RIPOR2: variants seen among roughly 807,000 people sequenced by gnomAD.
The protein encoded by RIPOR2 is RHO family interacting cell polarization regulator 2, also known as rho family-interacting cell polarization regulator 2.
A neutral mutation model predicts 114.5 loss-of-function variants in RIPOR2; 39 were observed. That is an observed-to-expected ratio of 0.34 (90% CI 0.26 to 0.44). RIPOR2 has a LOEUF of 0.44. Among genes scored for constraint, RIPOR2 ranks in the 20% least tolerant of loss-of-function variants. The pLI is 1.00. For synonymous variants in RIPOR2, 445 were observed against 484.4 expected (o/e 0.92, Z 1.07); for missense variants, 1,007 against 1,255.1 (o/e 0.80, Z 2.99).
chr6:24,867,837 A>G (rs375009411), intron 6 of RIPOR2, among the ~76,000 whole-genome samples: 2 of 152,248 alleles, frequency 1.3e-5, no homozygotes, highest in African/African-American at 4.8e-5. Context: ...GAATCATTCA[A>G]TTACATATAA....
chr6:24,926,794 C>A (rs2114126873), intron 1 of RIPOR2, among the ~76,000 whole-genome samples: 1 of 152,166 alleles, frequency 6.6e-6, no homozygotes, highest in East Asian at 1.9e-4. Flanking sequence ...CATTATCTCC[C>A]TTTAAACGCA....
chr6:24,878,802 C>T (rs1422230702), intron 1 of RIPOR2, among the ~76,000 whole-genome samples: 1 of 152,086 alleles, frequency 6.6e-6, no homozygotes, highest in Non-Finnish European at 1.5e-5. Context: ...GAAAAGATAC[C>T]AAGTTCATTG....
At chr6:24,918,876 C>T (rs1401607396) in intron 1 of RIPOR2, among the ~76,000 whole-genome samples, 1 of 152,196 alleles carries the variant, frequency 6.6e-6, no homozygotes, top group Non-Finnish European at 1.5e-5. Flanking sequence ...AGGCCTGTGC[C>T]TCCTCTGTAA....
chr6:24,955,802 C>T lies in RIPOR2; in HGVS notation c.77-79985G>A, dbSNP rs1325045427. ...GGTAGATCACTTGAGGTCAGGAGTTCGAAACCAGCCTGGCCAACATGATGA... is the reference window on the plus strand; with the variant it reads ...GGTAGATCACTTGAGGTCAGGAGTTTGAAACCAGCCTGGCCAACATGATGA... On this transcript the variant is annotated intron_variant, in intron 1 of 13. Transcript: ENST00000510784. Among the ~76,000 whole-genome samples, 3 of 150,212 alleles carry T rather than the reference C, an allele frequency of 2.0e-5. No individual in the cohort carries two copies. The East Asian group carries it at 5.8e-4, about 29-fold the overall frequency.
At chr6:24,840,162 A>C in intron 13 of RIPOR2, 1 of 868,332 alleles carries the variant, frequency 1.2e-6, no homozygotes, top group Non-Finnish European at 1.4e-6. Context: ...TGTTGACCAT[A>C]CCGGTCTTGA....
rs34480037 is a variant in RIPOR2, at chr6:24,983,756, C to CAAAAAAA, written c.76+58088_76+58094dup. ...TGGGCAACAGAACGAGACTGTGTCT[C>CAAAAAAA]AAAAAAAAAAAAAAAAAAAAAAAAA... On this transcript the variant is annotated intron_variant, in intron 1 of 13. Transcript: ENST00000510784. 1.5e-3 allele frequency among the ~76,000 whole-genome samples: 69 copies of CAAAAAAA among 47,188 alleles called. 3 individuals carry two copies. The highest frequency in any genetic ancestry group is 3.9e-3 in the African/African-American group (39 of 10,006). 31.0% of individuals were successfully genotyped at this position (47,188 alleles called of 152,430 possible).
At chr6:24,979,833 T>C (rs905569260) in intron 1 of RIPOR2, among the ~76,000 whole-genome samples, 1 of 152,206 alleles carries the variant, frequency 6.6e-6, no homozygotes, top group African/African-American at 2.4e-5. Context: ...ACTTACTGCC[T>C]TTGTAAGTAA....
chr6:24,832,106 G>A, intron 16 of RIPOR2, 150 bp downstream of exon 16: 2 of 742,860 alleles, frequency 2.7e-6, no homozygotes, highest in Non-Finnish European at 4.1e-6. Context: ...TGACATTAAT[G>A]AGCCCAATTT....
chr6:24,846,385 C>A (rs1762288866), intron 12 of RIPOR2, among the ~76,000 whole-genome samples: 1 of 145,720 alleles, frequency 6.9e-6, no homozygotes, highest in African/African-American at 2.5e-5. Flanking sequence ...TAACTCACTG[C>A]AGCCTCAACC....
chr6:25,028,259 G>C (rs541118598), intron 1 of RIPOR2, among the ~76,000 whole-genome samples: 1 of 152,310 alleles, frequency 6.6e-6, no homozygotes, highest in Non-Finnish European at 1.5e-5. Context: ...TCCCAGAGCT[G>C]TGTGCATTTC....
intron 19 of RIPOR2, among the ~76,000 whole-genome samples, chr6:24,820,363 T>C (rs1759573415): frequency 6.6e-6 from 1 of 152,186 alleles, no homozygotes; most frequent in Non-Finnish European, 1.5e-5. Context: ...ACAATTCCAT[T>C]TAAAAAAATT....
chr6:24,958,785 C>T (rs1391859529), intron 1 of RIPOR2, among the ~76,000 whole-genome samples: 2 of 151,998 alleles, frequency 1.3e-5, no homozygotes, highest in African/African-American at 4.8e-5. Context: ...AATTTATTGT[C>T]TCACAGTTCT....
In RIPOR2 at chr6:24,977,015, A is replaced by G. The variant is rs1157501842; in HGVS notation, c.76+64836T>C. 4 of 1,489,324 alleles carry G rather than the reference A, an allele frequency of 2.7e-6. No individual in the cohort carries two copies. The African/African-American group carries it at 5.5e-5, about 21-fold the overall frequency. 92.3% of individuals were successfully genotyped at this position (1,489,324 alleles called of 1,614,324 possible). A position where few individuals can be genotyped will look rare whatever the true frequency, so the allele number is the denominator to read the frequency against. On this transcript the variant is annotated intron_variant, in intron 1 of 13. Coordinates refer to the RIPOR2 transcript ENST00000510784. Reference sequence around the variant, plus strand: ...TGTGTTTTATCTTAACCACCAGATCATTCCTTCTGTAGCTCAGGAGAGCAC... The same window carrying G: ...TGTGTTTTATCTTAACCACCAGATCGTTCCTTCTGTAGCTCAGGAGAGCAC...
At position 24,877,792 on chromosome 6, in the gene RIPOR2, T is replaced by C. The variant is rs1765945450; in HGVS notation, c.62-1975A>G. Among the ~76,000 whole-genome samples the C allele has an allele frequency of 1.3e-5, 2 of 152,218 alleles. 1 individual carries two copies. The highest frequency in any genetic ancestry group is 4.1e-4 in the South Asian group (2 of 4,820). ...TCTTATTCCTGAAGCATGGCCCTAC[T>C]GCTGTGTCGTTCCCCTATTGGCTAG... On this transcript the variant is annotated intron_variant, in intron 1 of 21. Coordinates refer to ENST00000643898, the MANE Select transcript of RIPOR2 (RefSeq NM_001286445.3).
rs554699312 is a variant in RIPOR2, at chr6:24,840,316, T to C, written c.1858-1044A>G. 423 of 1,051,946 alleles carry C rather than the reference T, an allele frequency of 4.0e-4. 1 individual carries two copies. The highest frequency in any genetic ancestry group is 1.4e-3 in the Admixed American group (28 of 19,360). The allele number at this position is 1,051,946 out of a possible 1,614,324, so 65.2% of individuals were successfully genotyped here. A position where few individuals can be genotyped will look rare whatever the true frequency, so the allele number is the denominator to read the frequency against. On this transcript the variant is annotated intron_variant, in intron 13 of 21. Transcript: ENST00000643898. ...TGGGCATGACAAGAAGCAGCCCTGCTTCCTCTGGAGCTCTGCCTCAAAGGG... is the reference window on the plus strand; with the variant it reads ...TGGGCATGACAAGAAGCAGCCCTGCCTCCTCTGGAGCTCTGCCTCAAAGGG...
At chr6:24,967,391 C>T (rs1054136987) in intron 1 of RIPOR2, among the ~76,000 whole-genome samples, 2 of 152,164 alleles carry the variant, frequency 1.3e-5, no homozygotes, top group Admixed American at 1.3e-4. Context: ...TATCTACTGC[C>T]ACCATGCACA....
intron 1 of RIPOR2, among the ~76,000 whole-genome samples, chr6:24,959,880 A>T (rs903241833): frequency 1.3e-5 from 2 of 152,184 alleles, no homozygotes; most frequent in African/African-American, 2.4e-5. Context: ...TGGGGGGTCA[A>T]TGTTATGCCA....
intron 1 of RIPOR2, chr6:25,024,597 T>TGCTC: frequency 6.2e-6 from 3 of 482,908 alleles, no homozygotes; most frequent in Non-Finnish European, 1.1e-5. Context: ...AGCAGTCAGA[T>TGCTC]TTTTTAACCA....
chr6:24,980,955 A>G (rs964352428), intron 1 of RIPOR2, among the ~76,000 whole-genome samples: 2 of 152,154 alleles, frequency 1.3e-5, no homozygotes, highest in South Asian at 4.1e-4. Flanking sequence ...CCAGTCTTCT[A>G]TCTCAAATTC....
Sources: allele counts gnomAD v4.1 joint callset (sites outside exome capture counted in the v4.1 genomes callset), GRCh38; gene constraint gnomAD v4.1.1; transcripts MANE v1.5; gene names NCBI Gene and HGNC (gene_info 2026-07-23, HGNC 2026-07-21).